The following ARMC2 variants were observed in gnomAD, a reference collection of about 807,000 sequenced individuals.
ARMC2 encodes armadillo repeat-containing protein 2.
A neutral mutation model predicts 90.3 loss-of-function variants in ARMC2; 67 were observed. The observed-to-expected ratio is 0.74, with a 90% CI of 0.61 to 0.91. The LOEUF (loss-of-function observed/expected upper bound fraction) is 0.91, where lower values mean the gene tolerates loss of function less well. ARMC2 is among the 40% of genes least tolerant of loss of function. ARMC2 has a pLI of 0.00. For synonymous variants in ARMC2, 393 were observed against 393.0 expected (o/e 1.00, Z 0.00); for missense variants, 920 against 1,030.9 (o/e 0.89, Z 1.47).
intron 5 of ARMC2, among the ~76,000 whole-genome samples, chr6:108,877,614 C>T (rs914930582): frequency 6.6e-6 from 1 of 152,160 alleles, no homozygotes; most frequent in Non-Finnish European, 1.5e-5. Context: ...ACATAAAAGG[C>T]AGCAGGAAAA....
the ARMC2 span, among the ~76,000 whole-genome samples, chr6:108,983,630 A>C: frequency 6.6e-6 from 1 of 152,166 alleles, no homozygotes; most frequent in Non-Finnish European, 1.5e-5. Context: ...GTTCCACATT[A>C]TTTTGATTAC....
intron 11 of ARMC2, among the ~76,000 whole-genome samples, chr6:108,936,316 G>C (rs1055807095): frequency 1.3e-4 from 20 of 152,162 alleles, no homozygotes; most frequent in African/African-American, 4.8e-4. Flanking sequence ...GAGTGCAGTG[G>C]TTCAATCTTG....
At chr6:109,014,239 A>G in the ARMC2 span, among the ~76,000 whole-genome samples, 1,073 of 152,324 alleles carry the variant, frequency 7.0e-3, 12 homozygotes, top group African/African-American at 0.024. Flanking sequence ...TTACCCCAAA[A>G]TCAATGTGTT....
chr6:108,908,160 A>C (rs1772993033), intron 8 of ARMC2, among the ~76,000 whole-genome samples: 1 of 152,112 alleles, frequency 6.6e-6, no homozygotes, highest in Admixed American at 6.6e-5. Flanking sequence ...GAGATTCTGC[A>C]TTCCTAATAC....
At chr6:108,945,327 ATTTC>A (rs1048148659) in intron 12 of ARMC2, among the ~76,000 whole-genome samples, 1 of 152,130 alleles carries the variant, frequency 6.6e-6, no homozygotes. Context: ...GATTTTCCCC[ATTTC>A]TTCTGTAAAT....
intron 13 of ARMC2, among the ~76,000 whole-genome samples, chr6:108,961,138 G>A (rs943024090): frequency 2.0e-5 from 3 of 152,182 alleles, no homozygotes; most frequent in African/African-American, 2.4e-5. Context: ...CAGACGGATC[G>A]TGACCCCGGG....
At position 108,885,628 on chromosome 6, in the gene ARMC2, T is replaced by C. The variant is rs190204608; in HGVS notation, c.672-8839T>C. ...GGCAGAGGTTGCAGTAAGCTGAGAT[T>C]GCACCCCTGCACTCCAGCCTGGGTG... is the stretch of plus-strand genomic sequence containing the variant. On this transcript the variant is annotated intron_variant, in intron 5 of 17. Coordinates refer to ENST00000392644, the MANE Select transcript of ARMC2 (RefSeq NM_032131.6). 4.1e-3 allele frequency among the ~76,000 whole-genome samples: 621 copies of C among 150,548 alleles called. 2 individuals carry two copies. Among genetic ancestry groups the C allele is most frequent in the African/African-American group, 0.014 (582 of 40,866 alleles).
At chr6:108,950,636 G>A (rs1777116992) in intron 12 of ARMC2, among the ~76,000 whole-genome samples, 2 of 152,148 alleles carry the variant, frequency 1.3e-5, no homozygotes, top group African/African-American at 4.8e-5. Context: ...GGTGGAGGGT[G>A]GGAGAAGGAA....
At chr6:109,038,965 A>C in the ARMC2 span, among the ~76,000 whole-genome samples, 170 of 150,616 alleles carry the variant, frequency 1.1e-3, no homozygotes, top group Non-Finnish European at 1.8e-3. Flanking sequence ...AGAAGGGAGA[A>C]GAAGGAAAAG....
At position 108,858,182 on chromosome 6, in the gene ARMC2, AC is replaced by A; in HGVS notation, c.219-15del. 1 of 1,597,468 alleles carries A rather than the reference AC, an allele frequency of 6.3e-7. No individual in the cohort carries two copies. The highest frequency in any genetic ancestry group is 1.1e-5 in the South Asian group (1 of 90,082). On this transcript the variant is annotated splice_polypyrimidine_tract_variant and intron_variant, in intron 2 of 17. Coordinates refer to ENST00000392644, the MANE Select transcript of ARMC2 (RefSeq NM_032131.6). ...AATTCTTCACAAACTAACACTCTGC[AC>A]CATCTTTTATGCTAGCCTCCATGCA...
chr6:108,919,331 ATGTTAATTCT>A (rs1286570894), intron 10 of ARMC2, among the ~76,000 whole-genome samples: 1 of 152,218 alleles, frequency 6.6e-6, no homozygotes, highest in Non-Finnish European at 1.5e-5. Context: ...GCTGGAAATT[ATGTTAATTCT>A]TTATCTTGCG....
the ARMC2 span, among the ~76,000 whole-genome samples, chr6:109,035,262 G>C: frequency 6.6e-6 from 1 of 152,128 alleles, no homozygotes; most frequent in African/African-American, 2.4e-5. Flanking sequence ...AATGCCTGCT[G>C]AGCATCTAGT....
intron 4 of ARMC2, among the ~76,000 whole-genome samples, chr6:108,872,305 G>C (rs1776497670): frequency 6.6e-6 from 1 of 152,190 alleles, no homozygotes; most frequent in South Asian, 2.1e-4. Flanking sequence ...TTTGGCTGGA[G>C]GTGGCACTGC....
chr6:109,027,904 C>T, the ARMC2 span, among the ~76,000 whole-genome samples: 8 of 151,952 alleles, frequency 5.3e-5, no homozygotes, highest in Non-Finnish European at 8.8e-5. Flanking sequence ...AACCTTTTGT[C>T]CATTTTTTAT....
intron 2 of ARMC2, among the ~76,000 whole-genome samples, chr6:108,857,402 C>T (rs972940029): frequency 6.6e-6 from 1 of 152,108 alleles, no homozygotes; most frequent in African/African-American, 2.4e-5. Context: ...TTATTAGTTC[C>T]TGGAGCTTTT....
intron 3 of ARMC2, among the ~76,000 whole-genome samples, chr6:108,861,338 A>G (rs1775222050): frequency 6.6e-6 from 1 of 152,252 alleles, no homozygotes; most frequent in Admixed American, 6.5e-5. Context: ...TGGATGAACC[A>G]TTTGAAAGTA....
At chr6:108,987,575 G>A in the ARMC2 span, 1 of 1,604,928 alleles carries the variant, frequency 6.2e-7, no homozygotes, top group Non-Finnish European at 8.5e-7. Flanking sequence ...GGCTCTCAGA[G>A]CATAAAGGAG....
chr6:108,993,076 A>G, the ARMC2 span: 2 of 540,014 alleles, frequency 3.7e-6, no homozygotes. Context: ...ATGTAGTAAA[A>G]GGAGATTTTC....
intron 12 of ARMC2, among the ~76,000 whole-genome samples, chr6:108,943,491 T>A (rs1583183099): frequency 6.6e-6 from 1 of 152,184 alleles, no homozygotes; most frequent in Non-Finnish European, 1.5e-5. Flanking sequence ...GCTCCCCAAC[T>A]TGGCTTATCA....
Sources: gnomAD v4.1 joint callset for allele counts (sites outside exome capture counted in the v4.1 genomes callset) on GRCh38, gnomAD v4.1.1 for gene constraint, MANE v1.5 for transcripts, NCBI Gene and HGNC (gene_info 2026-07-23, HGNC 2026-07-21) for gene names.